The following RBFOX1 variants were observed in gnomAD, a reference collection of about 807,000 sequenced individuals.
RBFOX1 encodes RNA binding protein fox-1 homolog 1.
RBFOX1 carries 8 observed loss-of-function variants against 57.7 expected under a neutral mutation model. The ratio of observed to expected loss-of-function variants is 0.14; its 90% CI spans 0.08 to 0.25. The LOEUF (loss-of-function observed/expected upper bound fraction) is 0.25, where lower values mean the gene tolerates loss of function less well. Among genes scored for constraint, RBFOX1 ranks in the 10% least tolerant of loss-of-function variants. RBFOX1 has a pLI of 1.00. For missense variants in RBFOX1, 611 were observed against 548.5 expected, an observed-to-expected ratio of 1.11 and a Z score of -1.14; for synonymous variants, 326 against 222.4, an observed-to-expected ratio of 1.47 and a Z score of -4.15.
chr16:6,243,168 T>TGTGTG (rs1567757589), intron 1 of RBFOX1, among the ~76,000 whole-genome samples: 3 of 133,322 alleles, frequency 2.3e-5, no homozygotes, highest in South Asian at 5.3e-4. Flanking sequence ...GTGTGTGTGT[T>TGTGTG]TATGTACAGT....
chr16:6,964,611 C>T (rs965220877), intron 3 of RBFOX1, among the ~76,000 whole-genome samples: 3 of 152,070 alleles, frequency 2.0e-5, no homozygotes, highest in Non-Finnish European at 2.9e-5. Flanking sequence ...CCTAATACTC[C>T]TCTAAAAAAT....
chr16:5,565,270 C>T (rs933661138), intron 2 of RBFOX1, among the ~76,000 whole-genome samples: 5 of 152,008 alleles, frequency 3.3e-5, no homozygotes, highest in African/African-American at 7.2e-5. Flanking sequence ...TGTGTGTGTG[C>T]GTGTGTGCAC....
chr16:7,281,596 G>T (rs2095544898), intron 4 of RBFOX1, among the ~76,000 whole-genome samples: 1 of 152,094 alleles, frequency 6.6e-6, no homozygotes, highest in Non-Finnish European at 1.5e-5. Flanking sequence ...GGTGTTGGAA[G>T]TCAGAGAAAA....
chr16:7,441,515 T>A (rs2098766628), intron 4 of RBFOX1, among the ~76,000 whole-genome samples: 1 of 152,090 alleles, frequency 6.6e-6, no homozygotes, highest in Non-Finnish European at 1.5e-5. Context: ...GGTATCTGTT[T>A]CTCTCCTACT....
chr16:5,814,841 A>G (rs2055567573), intron 3 of RBFOX1, among the ~76,000 whole-genome samples: 1 of 152,168 alleles, frequency 6.6e-6, no homozygotes, highest in South Asian at 2.1e-4. Context: ...AGGCAGGAGA[A>G]TGGCGTGAAC....
At chr16:7,492,032 C>T (rs916383686) in intron 4 of RBFOX1, among the ~76,000 whole-genome samples, 2 of 152,158 alleles carry the variant, frequency 1.3e-5, no homozygotes, top group East Asian at 1.9e-4. Context: ...TTTCCAGCAT[C>T]AGAATCCTGT....
chr16:7,394,184 C>G (rs185554318), intron 4 of RBFOX1, among the ~76,000 whole-genome samples: 93 of 127,290 alleles, frequency 7.3e-4, no homozygotes, highest in African/African-American at 2.8e-3. Context: ...TGTAGTGAGC[C>G]AAGATCGTGC....
intron 3 of RBFOX1, among the ~76,000 whole-genome samples, chr16:6,914,614 C>A (rs940501459): frequency 6.6e-5 from 10 of 151,952 alleles, no homozygotes; most frequent in Non-Finnish European, 8.8e-5. Context: ...TGGCTCACGC[C>A]TCTAATCGCA....
intron 4 of RBFOX1, among the ~76,000 whole-genome samples, chr16:7,313,011 C>T (rs1037306530): frequency 6.6e-6 from 1 of 152,030 alleles, no homozygotes; most frequent in African/African-American, 2.4e-5. Flanking sequence ...CATTTTCATG[C>T]CCTGGATCTG....
At chr16:6,092,146 G>T (rs1183242497) in intron 1 of RBFOX1, among the ~76,000 whole-genome samples, 1 of 152,208 alleles carries the variant, frequency 6.6e-6, no homozygotes, top group Non-Finnish European at 1.5e-5. Context: ...CATGGGCTTG[G>T]TGTGAGGGAA....
intron 3 of RBFOX1, among the ~76,000 whole-genome samples, chr16:6,993,943 G>A (rs1241895269): frequency 6.6e-6 from 1 of 152,134 alleles, no homozygotes; most frequent in Non-Finnish European, 1.5e-5. Flanking sequence ...TAAATGATTT[G>A]GTGCAAGGCA....
intron 3 of RBFOX1, among the ~76,000 whole-genome samples, chr16:6,760,375 GAA>G (rs1387860327): frequency 6.6e-6 from 1 of 152,116 alleles, no homozygotes; most frequent in Non-Finnish European, 1.5e-5. Flanking sequence ...AAAGCAAATG[GAA>G]TTCTTCAACA....
intron 2 of RBFOX1, among the ~76,000 whole-genome samples, chr16:6,368,698 C>G (rs553369815): frequency 6.6e-6 from 1 of 152,146 alleles, no homozygotes; most frequent in Non-Finnish European, 1.5e-5. Context: ...ATTCATTGAA[C>G]AAATGGTTAT....
intron 2 of RBFOX1, among the ~76,000 whole-genome samples, chr16:6,384,060 C>CTTTTTTTTTTTTTTTTTT (rs5815305): frequency 7.9e-6 from 1 of 126,640 alleles, no homozygotes. Flanking sequence ...ATTGGTTTTG[C>CTTTTTTTTTTTTTTTTTT]TTTTTTTTTT....
intron 13 of RBFOX1, among the ~76,000 whole-genome samples, chr16:7,671,793 A>T (rs1274787745): frequency 6.6e-6 from 1 of 152,202 alleles, no homozygotes; most frequent in African/African-American, 2.4e-5. Flanking sequence ...CTATCAGTAT[A>T]TCCACTGTGT....
rs957023349 is a variant in RBFOX1 at position 7,116,861 on chromosome 16, G to A, written c.27+64763G>A. ...ATCCCCTCAAGGGTTTTGCAGTCTC[G>A]TGGGAGTCATCAACACAAGATTTAA... On this transcript the variant is annotated intron_variant, in intron 4 of 15. Transcript: ENST00000550418. Among the ~76,000 whole-genome samples the A allele has an allele frequency of 3.3e-5, 5 of 152,140 alleles. No homozygotes were observed. In the East Asian group the frequency reaches 7.7e-4, roughly 23 times the overall value.
intron 3 of RBFOX1, among the ~76,000 whole-genome samples, chr16:5,683,361 G>A (rs1596738164): frequency 6.6e-6 from 1 of 151,976 alleles, no homozygotes; most frequent in African/African-American, 2.4e-5. Flanking sequence ...TGTTGTGATG[G>A]TCAATACTGA....
intron 3 of RBFOX1, among the ~76,000 whole-genome samples, chr16:5,795,054 C>T (rs188296366): frequency 6.6e-6 from 1 of 152,276 alleles, no homozygotes; most frequent in Admixed American, 6.5e-5. Flanking sequence ...TTTGGCCAAG[C>T]TGCTTAAATT....
At chr16:7,119,332 C>G (rs76679942) in intron 4 of RBFOX1, among the ~76,000 whole-genome samples, 27 of 152,072 alleles carry the variant, frequency 1.8e-4, no homozygotes, top group Non-Finnish European at 3.7e-4. Context: ...ATTGAGTCAT[C>G]AGACTTGTGG....
Sources: gnomAD v4.1 joint callset for allele counts (sites outside exome capture counted in the v4.1 genomes callset) on GRCh38, gnomAD v4.1.1 for gene constraint, MANE v1.5 for transcripts, NCBI Gene and HGNC (gene_info 2026-07-23, HGNC 2026-07-21) for gene names.